Variants in BABAM2 observed in about 807,000 individuals in gnomAD.
BABAM2 encodes BRISC and BRCA1-A complex member 2.
A neutral mutation model predicts 54.7 loss-of-function variants in BABAM2; 31 were observed. That is an observed-to-expected ratio of 0.57 (90% CI 0.43 to 0.77). The LOEUF (loss-of-function observed/expected upper bound fraction) is 0.77, where lower values mean the gene tolerates loss of function less well. Ranked by LOEUF, BABAM2 falls within the 30% of genes least tolerant of loss-of-function variation. BABAM2 has a pLI of 0.00. For missense variants in BABAM2, 364 were observed against 455.8 expected (o/e 0.80, Z 1.83); for synonymous variants, 167 against 162.9 (o/e 1.03, Z -0.19).
chr2:27,954,689 C>A (rs1669963958), intron 3 of BABAM2, among the ~76,000 whole-genome samples: 1 of 152,130 alleles, frequency 6.6e-6, no homozygotes, highest in African/African-American at 2.4e-5. Flanking sequence ...CATAAGCCGA[C>A]CAAATATCAC....
At chr2:28,263,411 T>C (rs1018742837) in intron 10 of BABAM2, among the ~76,000 whole-genome samples, 2 of 152,200 alleles carry the variant, frequency 1.3e-5, no homozygotes, top group Non-Finnish European at 2.9e-5. Context: ...ACAGAGCATT[T>C]GAACCAAGAC....
chr2:27,889,784 T>C (rs866325265), upstream of BABAM2, among the ~76,000 whole-genome samples: 1 of 152,212 alleles, frequency 6.6e-6, no homozygotes, highest in African/African-American at 2.4e-5. Context: ...CTCATTATTT[T>C]ATACAATAAG....
chr2:28,327,277 A>G, intron 11 of BABAM2: 1 of 1,600,308 alleles, frequency 6.2e-7, no homozygotes, highest in Non-Finnish European at 8.5e-7. Context: ...GCACCAGGGG[A>G]TGCCAAGGGA....
At chr2:28,217,004 G>A (rs1679981436) in intron 7 of BABAM2, among the ~76,000 whole-genome samples, 1 of 152,096 alleles carries the variant, frequency 6.6e-6, no homozygotes, top group Admixed American at 6.6e-5. Context: ...TATCATTTGA[G>A]TCTCAGTTTA....
At chr2:28,229,389 A>G (rs1014619201) in intron 7 of BABAM2, among the ~76,000 whole-genome samples, 1 of 152,234 alleles carries the variant, frequency 6.6e-6, no homozygotes, top group Non-Finnish European at 1.5e-5. Flanking sequence ...AGATGATATC[A>G]TAGAGGAAAA....
intron 6 of BABAM2, among the ~76,000 whole-genome samples, chr2:28,117,706 G>A (rs1223413431): frequency 6.6e-6 from 1 of 152,184 alleles, no homozygotes; most frequent in Non-Finnish European, 1.5e-5. Flanking sequence ...TTGAAGAAAG[G>A]ACCAGCCTTT....
At chr2:28,318,858 G>C (rs937440092) in intron 11 of BABAM2, among the ~76,000 whole-genome samples, 1 of 152,208 alleles carries the variant, frequency 6.6e-6, no homozygotes, top group Admixed American at 6.5e-5. Context: ...AGAGAATGCT[G>C]ATTCGTCTGC....
At chr2:28,026,868 ATATATT>A (rs1196375020) in intron 5 of BABAM2, among the ~76,000 whole-genome samples, 2 of 78,502 alleles carry the variant, frequency 2.5e-5, no homozygotes, top group East Asian at 5.2e-4. Flanking sequence ...ATATAGATAT[ATATATT>A]TATATATATA....
At chr2:27,942,082 C>T (rs1020814919) in intron 3 of BABAM2, among the ~76,000 whole-genome samples, 3 of 152,042 alleles carry the variant, frequency 2.0e-5, no homozygotes, top group Admixed American at 6.6e-5. Context: ...TCCCCATCTC[C>T]GATCTATTAC....
intron 7 of BABAM2, among the ~76,000 whole-genome samples, chr2:28,133,410 A>G (rs1426443087): frequency 2.6e-5 from 4 of 152,196 alleles, no homozygotes; most frequent in Non-Finnish European, 5.9e-5. Context: ...CCCAAAGCCA[A>G]CGTCAAACTC....
chr2:28,126,151 T>G (rs922960469), intron 6 of BABAM2, among the ~76,000 whole-genome samples: 1 of 148,128 alleles, frequency 6.8e-6, no homozygotes, highest in African/African-American at 2.6e-5. Flanking sequence ...TTTTATTTTA[T>G]TATTATTATA....
chr2:28,045,819 A>C lies in BABAM2; in HGVS notation c.570+20A>C, dbSNP rs747097330. The C allele has an allele frequency of 6.3e-6, 10 of 1,578,460 alleles. No homozygotes were observed. Among genetic ancestry groups the C allele is most frequent in the Non-Finnish European group, 8.7e-6 (10 of 1,151,772 alleles). On this transcript the variant is annotated intron_variant, in intron 6 of 11. Coordinates refer to ENST00000379624, the MANE Select transcript of BABAM2 (RefSeq NM_199191.3). ...CTCAAGGTAAAAATATATGATTTTC[A>C]GTATGAGAATATAAGTGAGCTTTTT...
At chr2:28,333,774 C>T (rs1052228028) in intron 11 of BABAM2, among the ~76,000 whole-genome samples, 1 of 152,198 alleles carries the variant, frequency 6.6e-6, no homozygotes, top group African/African-American at 2.4e-5. Context: ...CCCACTTGGC[C>T]AGTTAATGGG....
chr2:28,265,253 T>A (rs928153217), intron 10 of BABAM2, among the ~76,000 whole-genome samples: 1 of 152,090 alleles, frequency 6.6e-6, no homozygotes, highest in African/African-American at 2.4e-5. Context: ...CTGGCCAACA[T>A]GGCAAAACCC....
At chr2:28,268,179 A>G (rs1000629847) in intron 10 of BABAM2, among the ~76,000 whole-genome samples, 8 of 152,222 alleles carry the variant, frequency 5.3e-5, no homozygotes, top group Non-Finnish European at 1.2e-4. Context: ...TTTCTAAAAA[A>G]GTGAAGGTGT....
intron 9 of BABAM2, among the ~76,000 whole-genome samples, chr2:28,242,086 G>A (rs1682494478): frequency 6.6e-5 from 10 of 152,046 alleles, no homozygotes; most frequent in Admixed American, 6.6e-4. Context: ...TGTTGAAGAA[G>A]CTCTGAAATT....
intron 11 of BABAM2, among the ~76,000 whole-genome samples, chr2:28,323,748 A>G (rs1192047523): frequency 1.3e-5 from 2 of 152,096 alleles, no homozygotes; most frequent in Non-Finnish European, 2.9e-5. Flanking sequence ...GATGACCTTT[A>G]TGTTACAGGA....
At chr2:28,075,826 G>T (rs1209367108) in intron 6 of BABAM2, among the ~76,000 whole-genome samples, 1 of 152,090 alleles carries the variant, frequency 6.6e-6, no homozygotes, top group Non-Finnish European at 1.5e-5. Flanking sequence ...TCATTTGAAT[G>T]AGAGACTCTG....
intron 6 of BABAM2, among the ~76,000 whole-genome samples, chr2:28,081,395 C>T (rs560975420): frequency 1.3e-5 from 2 of 152,174 alleles, no homozygotes; most frequent in Non-Finnish European, 1.5e-5. Flanking sequence ...CCAATTTGTA[C>T]GTAAGACCAG....
Sources: allele counts gnomAD v4.1 joint callset (sites outside exome capture counted in the v4.1 genomes callset), GRCh38; gene constraint gnomAD v4.1.1; transcripts MANE v1.5; gene names NCBI Gene and HGNC (gene_info 2026-07-23, HGNC 2026-07-21).